MAP7: variants seen among roughly 807,000 people sequenced by gnomAD.
MAP7 encodes the protein ensconsin.
A neutral mutation model predicts 94.8 loss-of-function variants in MAP7; 52 were observed. That is an observed-to-expected ratio of 0.55 (90% confidence interval 0.44 to 0.69). The LOEUF (loss-of-function observed/expected upper bound fraction) is 0.69, where lower values mean the gene tolerates loss of function less well. MAP7 is among the 30% of genes least tolerant of loss of function. MAP7 has a pLI of 0.00. For missense variants in MAP7, 940 were observed against 964.6 expected (o/e 0.97, Z 0.34); for synonymous variants, 350 against 357.0 (o/e 0.98, Z 0.22).
chr6:136,360,053 G>A (rs1272671455), intron 13 of MAP7, 22 bp from the exon 14 acceptor site: 2 of 1,596,070 alleles, frequency 1.3e-6, no homozygotes, highest in Non-Finnish European at 1.7e-6. Flanking sequence ...GAAGAATTGA[G>A]CAAGAAGATT....
chr6:136,528,342 C>T (rs930762878), intron 1 of MAP7, among the ~76,000 whole-genome samples: 7 of 152,106 alleles, frequency 4.6e-5, no homozygotes, highest in African/African-American at 1.7e-4. Context: ...TATTTGTAAA[C>T]TTTTATTCTT....
intron 1 of MAP7, among the ~76,000 whole-genome samples, chr6:136,442,538 T>C (rs1327541987): frequency 6.6e-6 from 1 of 152,136 alleles, no homozygotes; most frequent in Non-Finnish European, 1.5e-5. Flanking sequence ...CACAGCGTGG[T>C]CCAGGTCCCA....
At chr6:136,426,214 C>T (rs961354924) in intron 1 of MAP7, among the ~76,000 whole-genome samples, 2 of 152,146 alleles carry the variant, frequency 1.3e-5, no homozygotes, top group Non-Finnish European at 2.9e-5. Context: ...AATGTCCTCA[C>T]AAAAAAGCCA....
chr6:136,380,324 AAATTAGACACATGT>A (rs1276182636), intron 6 of MAP7, among the ~76,000 whole-genome samples: 39 of 152,332 alleles, frequency 2.6e-4, no homozygotes, highest in Non-Finnish European at 4.4e-4. Context: ...TGCCAGGAAG[AAATTAGACACATGT>A]TGCCAGGTCC....
At chr6:136,540,292 A>T (rs1429977130) in intron 1 of MAP7, among the ~76,000 whole-genome samples, 1 of 152,174 alleles carries the variant, frequency 6.6e-6, no homozygotes, top group Non-Finnish European at 1.5e-5. Context: ...CCTGGTGATC[A>T]GAGGTCAGGG....
chr6:136,445,559 C>T (rs1799074528), intron 1 of MAP7, among the ~76,000 whole-genome samples: 1 of 152,190 alleles, frequency 6.6e-6, no homozygotes, highest in African/African-American at 2.4e-5. Context: ...GTTAATCTAT[C>T]TTGTGTTAAT....
At position 136,343,067 on chromosome 6, in the gene MAP7, C is replaced by T. The variant is rs999255184; in HGVS notation, c.*1161G>A. 6.6e-6 allele frequency: 1 copy of T among 152,636 alleles called. No individual in the cohort carries two copies. The highest frequency in any genetic ancestry group is 1.5e-5 in the Non-Finnish European group (1 of 68,040). 9.5% of individuals were successfully genotyped at this position (152,636 alleles called of 1,614,324 possible). A position where few individuals can be genotyped will look rare whatever the true frequency, so the allele number is the denominator to read the frequency against. ...AAAACATGTGCACCCTCTCCTTCTA[C>T]ATTTAATCATTAGTAGTCTCTAAAA... is the stretch of plus-strand genomic sequence containing the variant. On this transcript the variant is annotated 3_prime_UTR_variant, in exon 18 of 18. Transcript: ENST00000354570.
chr6:136,531,861 T>A (rs1323016350), intron 1 of MAP7, among the ~76,000 whole-genome samples: 1 of 152,182 alleles, frequency 6.6e-6, no homozygotes. Context: ...AAGGTAGTTA[T>A]GTTTTTATTA....
chr6:136,399,299 T>C (rs541684538), intron 3 of MAP7, among the ~76,000 whole-genome samples: 2 of 152,308 alleles, frequency 1.3e-5, no homozygotes, highest in East Asian at 3.9e-4. Flanking sequence ...TTGATTTTTT[T>C]GTTTTTACCT....
At chr6:136,345,424 G>A (rs1787396988) in intron 17 of MAP7, among the ~76,000 whole-genome samples, 1 of 152,224 alleles carries the variant, frequency 6.6e-6, no homozygotes, top group Non-Finnish European at 1.5e-5. Context: ...GGGAGAACAT[G>A]ATGGCAGTCT....
At chr6:136,546,386 A>G (rs9376196) in intron 1 of MAP7, among the ~76,000 whole-genome samples, 7,772 of 138,358 alleles carry the variant, frequency 0.056, 443 homozygotes, top group African/African-American at 0.15. Context: ...TACTCTTCTC[A>G]GCCTCTGGTA....
intron 7 of MAP7, among the ~76,000 whole-genome samples, chr6:136,376,148 G>A (rs1776069320): frequency 6.6e-6 from 1 of 152,162 alleles, no homozygotes. Flanking sequence ...CCCCAGGCTG[G>A]AGTGCAGTGG....
At chr6:136,543,366 G>C (rs1211798163) in intron 1 of MAP7, among the ~76,000 whole-genome samples, 6 of 152,172 alleles carry the variant, frequency 3.9e-5, no homozygotes, top group African/African-American at 1.4e-4. Context: ...ACACAATGTG[G>C]GGCTGGGTGC....
chr6:136,502,793 T>G (rs1192387077), intron 1 of MAP7, among the ~76,000 whole-genome samples: 7 of 152,226 alleles, frequency 4.6e-5, no homozygotes, highest in Non-Finnish European at 4.4e-5. Flanking sequence ...TGCACTCTTA[T>G]AATTGATATG....
chr6:136,483,129 CAAAAAAAA>C (rs57320038), intron 1 of MAP7, among the ~76,000 whole-genome samples: 13 of 83,154 alleles, frequency 1.6e-4, no homozygotes, highest in South Asian at 4.2e-4. Context: ...AAGTATCTTT[CAAAAAAAA>C]AAAAAAAAAA....
intron 3 of MAP7, among the ~76,000 whole-genome samples, chr6:136,398,878 C>T (rs1309607620): frequency 6.6e-6 from 1 of 152,198 alleles, no homozygotes; most frequent in African/African-American, 2.4e-5. Context: ...GTGTGCAACA[C>T]TCCACATGCC....
At chr6:136,548,111 C>G (rs1829877305) in intron 1 of MAP7, among the ~76,000 whole-genome samples, 2 of 137,160 alleles carry the variant, frequency 1.5e-5, no homozygotes, top group African/African-American at 5.2e-5. Flanking sequence ...CCCCCCACCC[C>G]CCCAACAATT....
intron 1 of MAP7, among the ~76,000 whole-genome samples, chr6:136,495,149 A>T (rs1461075130): frequency 1.3e-5 from 2 of 152,128 alleles, no homozygotes; most frequent in Non-Finnish European, 2.9e-5. Flanking sequence ...TCTCCGTTGA[A>T]TCTCTAAGAC....
At chr6:136,421,676 C>T in intron 2 of MAP7, 25 bp downstream of exon 2, 1 of 1,578,138 alleles carries the variant, frequency 6.3e-7, no homozygotes, top group African/African-American at 1.3e-5. Flanking sequence ...CTTTATTTTC[C>T]CACAGTTAAT....
Sources: gnomAD v4.1 joint callset for allele counts (sites outside exome capture counted in the v4.1 genomes callset) on GRCh38, gnomAD v4.1.1 for gene constraint, MANE v1.5 for transcripts, NCBI Gene and HGNC (gene_info 2026-07-23, HGNC 2026-07-21) for gene names.